IL6ST: variants seen among roughly 807,000 people sequenced by gnomAD.
IL6ST encodes interleukin-6 receptor subunit beta.
IL6ST carries 24 observed loss-of-function variants against 91.3 expected under a neutral mutation model. That is an observed-to-expected ratio of 0.26 (90% CI 0.19 to 0.37). IL6ST has a LOEUF of 0.37. IL6ST is among the 10% of genes least tolerant of loss of function. The pLI, the probability that IL6ST is intolerant of heterozygous loss-of-function variation, is 1.00. For missense variants in IL6ST, 914 were observed against 1,078.5 expected (o/e 0.85, Z 2.14); for synonymous variants, 351 against 373.6 (o/e 0.94, Z 0.70).
intron 2 of IL6ST, among the ~76,000 whole-genome samples, chr5:55,979,060 T>G (rs1301394329): frequency 1.3e-5 from 2 of 152,070 alleles, no homozygotes; most frequent in Non-Finnish European, 2.9e-5. Flanking sequence ...AACAGATACA[T>G]GCATCATGGA....
chr5:55,983,804 G>A (rs1197366727), intron 1 of IL6ST, among the ~76,000 whole-genome samples: 1 of 151,794 alleles, frequency 6.6e-6, no homozygotes, highest in Non-Finnish European at 1.5e-5. Flanking sequence ...ACTTTACATT[G>A]TATAAATATA....
Position 55,938,326 on chromosome 5 carries a change from A to C in IL6ST, c.*2756T>G, listed in dbSNP as rs1040361853. The stretch of plus-strand genomic sequence containing the variant: ...CGAGTGCCGACTGATCCATAGTAAA[A>C]AAGGACAAGATTAAAATTTTAGGTT... On this transcript the variant is annotated 3_prime_UTR_variant, in exon 17 of 17. Coordinates refer to ENST00000381298, the MANE Select transcript of IL6ST (RefSeq NM_002184.4). 1.0e-5 allele frequency: 2 copies of C among 191,680 alleles called. No homozygotes were observed. Among genetic ancestry groups the C allele is most frequent in the Admixed American group, 1.2e-4 (2 of 16,270 alleles). 11.9% of individuals were successfully genotyped at this position (191,680 alleles called of 1,614,324 possible). A position where few individuals can be genotyped will look rare whatever the true frequency, so the allele number is the denominator to read the frequency against.
chr5:55,953,182 T>C (rs534528515), intron 11 of IL6ST, among the ~76,000 whole-genome samples: 1 of 152,360 alleles, frequency 6.6e-6, no homozygotes, highest in East Asian at 1.9e-4. Context: ...TATTGAAATT[T>C]ATACCTTCAA....
chr5:55,972,783 T>A (rs774910995), intron 3 of IL6ST, among the ~76,000 whole-genome samples: 8 of 152,034 alleles, frequency 5.3e-5, no homozygotes, highest in Admixed American at 1.3e-4. Context: ...GGTGGATGGA[T>A]CACCTGAGAT....
At chr5:55,987,533 C>T (rs574919900) in intron 1 of IL6ST, among the ~76,000 whole-genome samples, 2 of 152,246 alleles carry the variant, frequency 1.3e-5, no homozygotes, top group East Asian at 1.9e-4. Flanking sequence ...AGAGACCATC[C>T]TTACCTTGGT....
chr5:55,989,795 TA>T (rs1318254069), intron 1 of IL6ST, among the ~76,000 whole-genome samples: 3 of 152,056 alleles, frequency 2.0e-5, no homozygotes, highest in Non-Finnish European at 4.4e-5. Context: ...AAAATAAGGG[TA>T]GGGGTTCCTA....
rs535657497 is a variant in IL6ST, at chr5:55,941,297, G to T, written c.2542C>A (p.Leu848Ile). The T allele has an allele frequency of 6.2e-7, 1 of 1,613,904 alleles. No individual in the cohort carries two copies. The highest frequency in any genetic ancestry group is 8.5e-7 in the Non-Finnish European group (1 of 1,179,944). ...ATATGATCTGAAATCTGCTGTTTAA[G>T]TCTAACAAAATCTTCCTCATTGACT... The part of the protein sequence containing the change: ...SSVNEEDFVR[L>I]KQQISDHISQ... Residue 848 changes from leucine to isoleucine, a missense_variant, in exon 17 of 17, where the codon CTT (leucine) becomes ATT (isoleucine). Coordinates refer to ENST00000381298, the MANE Select transcript of IL6ST (RefSeq NM_002184.4).
intron 15 of IL6ST, among the ~76,000 whole-genome samples, chr5:55,944,129 C>T (rs1751093609): frequency 6.6e-6 from 1 of 152,138 alleles, no homozygotes; most frequent in African/African-American, 2.4e-5. Flanking sequence ...GCTAACATCA[C>T]ATGTGATGGT....
At chr5:55,985,871 A>C (rs1351702804) in intron 1 of IL6ST, among the ~76,000 whole-genome samples, 1 of 152,208 alleles carries the variant, frequency 6.6e-6, no homozygotes. Context: ...TGGAGCTACC[A>C]ATCTACTGTT....
chr5:55,952,189 A>T, intron 12 of IL6ST, 61 bp downstream of exon 12: 1 of 1,496,476 alleles, frequency 6.7e-7, no homozygotes, highest in Non-Finnish European at 9.2e-7. Flanking sequence ...AAAGCGATAA[A>T]ATGTTTCTGT....
intron 11 of IL6ST, among the ~76,000 whole-genome samples, chr5:55,954,284 G>T (rs1169867346): frequency 6.6e-6 from 1 of 152,096 alleles, no homozygotes; most frequent in African/African-American, 2.4e-5. Context: ...CAAAGTTGTT[G>T]TATCACTTTA....
chr5:55,989,775 G>A (rs1754206463), intron 1 of IL6ST, among the ~76,000 whole-genome samples: 1 of 152,076 alleles, frequency 6.6e-6, no homozygotes, highest in African/African-American at 2.4e-5. Flanking sequence ...GGCCAGGAGC[G>A]CCCAGTCTTA....
At chr5:55,976,359 C>T (rs1753291092) in intron 2 of IL6ST, 66 bp from the exon 3 acceptor site, 1 of 816,410 alleles carries the variant, frequency 1.2e-6, no homozygotes, top group Non-Finnish European at 1.9e-6. Flanking sequence ...ATTTAAGACA[C>T]AATCTTGTTT....
chr5:55,939,122 A>T lies in IL6ST; in HGVS notation c.*1960T>A, dbSNP rs1468017028. On this transcript the variant is annotated 3_prime_UTR_variant, in exon 17 of 17. Transcript: ENST00000381298. ...GTGACTTAAATTTTGAGAAAATGGAAAATGTAATAGGTATAAATTTCCTGA... is the reference window on the plus strand; with the variant it reads ...GTGACTTAAATTTTGAGAAAATGGATAATGTAATAGGTATAAATTTCCTGA... The T allele has an allele frequency of 4.8e-6, 1 of 208,336 alleles. No homozygotes were observed. Among genetic ancestry groups the T allele is most frequent in the Non-Finnish European group, 9.8e-6 (1 of 102,240 alleles). 12.9% of individuals were successfully genotyped at this position (208,336 alleles called of 1,614,324 possible). A position where few individuals can be genotyped will look rare whatever the true frequency, so the allele number is the denominator to read the frequency against.
rs745481108 is a variant in IL6ST, at chr5:55,957,230, T to G, written c.1035A>C (p.Arg345Ser). The G allele has an allele frequency of 6.4e-7, 1 of 1,555,632 alleles. No individual in the cohort carries two copies. Among genetic ancestry groups the G allele is most frequent in the Non-Finnish European group, 8.8e-7 (1 of 1,142,110 alleles). Residue 345 changes from arginine to serine, a missense_variant, in exon 9 of 17, where the codon AGA becomes AGC. By Grantham distance (110) the Arg-to-Ser change is moderately radical (BLOSUM62 -1). Coordinates refer to ENST00000381298, the MANE Select transcript of IL6ST (RefSeq NM_002184.4). ...TTACCTTCCACACGAGTTGTACAGTTCTGTAGCCTTGAGTATGGGATGGAT... is the reference window on the plus strand; with the variant it reads ...TTACCTTCCACACGAGTTGTACAGTGCTGTAGCCTTGAGTATGGGATGGAT... ...KIDPSHTQGY[R>S]TVQLVWKTLP...
Position 55,959,556 on chromosome 5 carries a change from C to CT in IL6ST, c.973+845dup, listed in dbSNP as rs1188643959. The CT allele has an allele frequency of 6.9e-6, 5 of 722,034 alleles. No homozygotes were observed. In the East Asian group the frequency reaches 3.1e-4, roughly 44 times the overall value. 44.7% of individuals were successfully genotyped at this position (722,034 alleles called of 1,614,324 possible). On this transcript the variant is annotated intron_variant, in intron 8 of 16. Coordinates refer to ENST00000381298, the MANE Select transcript of IL6ST (RefSeq NM_002184.4). ...AGGATCTTACTTTAGACTGTACACT[C>CT]TTTTTGTGCCTTTTTTATTCTATAT...
intron 3 of IL6ST, 62 bp downstream of exon 3, chr5:55,976,145 TATATAATA>T: frequency 1.6e-6 from 1 of 609,342 alleles, no homozygotes; most frequent in Middle Eastern, 4.7e-4. Context: ...TAAGCTTAAT[TATATAATA>T]ATATAAAAAT....
Position 55,941,293 on chromosome 5 carries a change from T to C in IL6ST, c.2546A>G (p.Lys849Arg). The change falls in exon 17 of 17, where the codon AAA becomes AGA. Residue 849 changes from lysine (K) to arginine (R), a missense_variant. Physicochemically the swap from Lys to Arg is conservative, Grantham distance 26. Coordinates refer to ENST00000381298, the MANE Select transcript of IL6ST (RefSeq NM_002184.4). ...TGAAATATGATCTGAAATCTGCTGT[T>C]TAAGTCTAACAAAATCTTCCTCATT... ...SVNEEDFVRL[K>R]QQISDHISQS... The C allele has an allele frequency of 6.2e-7, 1 of 1,614,142 alleles. No homozygotes were observed.
intron 15 of IL6ST, among the ~76,000 whole-genome samples, chr5:55,946,416 C>G (rs1050211246): frequency 2.3e-4 from 35 of 152,202 alleles, no homozygotes; most frequent in African/African-American, 8.2e-4. Context: ...ATATTCATAG[C>G]AACATTATTT....
Sources: allele counts gnomAD v4.1 joint callset (sites outside exome capture counted in the v4.1 genomes callset), GRCh38; gene constraint gnomAD v4.1.1; transcripts MANE v1.5; gene names NCBI Gene and HGNC (gene_info 2026-07-23, HGNC 2026-07-21).